Variants in TXK observed in about 807,000 individuals in gnomAD.
TXK encodes the protein TXK tyrosine kinase.
A neutral mutation model predicts 81.0 loss-of-function variants in TXK; 60 were observed. The observed-to-expected ratio is 0.74, with a 90% CI of 0.60 to 0.92. The LOEUF is 0.92. Among genes scored for constraint, TXK ranks in the 40% least tolerant of loss-of-function variants. The probability of loss-of-function intolerance (pLI) is 0.00; values close to 1 mark genes in which losing one functional copy is unlikely to be tolerated. For synonymous variants in TXK, 203 were observed against 210.7 expected, an observed-to-expected ratio of 0.96 and a Z score of 0.32; for missense variants, 581 against 638.3, an observed-to-expected ratio of 0.91 and a Z score of 0.97.
chr4:48,119,300 T>C (rs75558272), intron 1 of TXK, among the ~76,000 whole-genome samples: 1,756 of 152,316 alleles, frequency 0.012, 31 homozygotes, highest in African/African-American at 0.04. Flanking sequence ...CAATACATAT[T>C]AGTTCCTTTC....
intron 13 of TXK, among the ~76,000 whole-genome samples, chr4:48,073,092 T>TA (rs2109397538): frequency 6.4e-4 from 1 of 1,566 alleles, no homozygotes; most frequent in African/African-American, 6.8e-4. Context: ...ACCTGGCTAA[T>TA]TTTTTTTTTT....
chr4:48,129,544 TG>T (rs1225799662), intron 1 of TXK, among the ~76,000 whole-genome samples: 2 of 152,076 alleles, frequency 1.3e-5, no homozygotes, highest in Admixed American at 1.3e-4. Context: ...CCTGGCAAGC[TG>T]GATGGAGTCC....
chr4:48,086,742 A>C (rs1717547452), intron 9 of TXK, 105 bp from the exon 10 acceptor site: 2 of 1,067,058 alleles, frequency 1.9e-6, no homozygotes, highest in Admixed American at 2.4e-5. Flanking sequence ...AGAGGTTAAA[A>C]AATGTATAAA....
chr4:48,120,253 A>G (rs1175150275), intron 1 of TXK, among the ~76,000 whole-genome samples: 10 of 148,640 alleles, frequency 6.7e-5, no homozygotes, highest in Admixed American at 4.1e-4. Flanking sequence ...GTATATGTGT[A>G]TATATACATA....
intron 14 of TXK, among the ~76,000 whole-genome samples, chr4:48,070,018 G>A (rs1344821454): frequency 6.6e-6 from 1 of 152,080 alleles, no homozygotes; most frequent in Non-Finnish European, 1.5e-5. Flanking sequence ...TTCATACATT[G>A]GGGCTCTCTA....
chr4:48,112,356 T>C lies in TXK; in HGVS notation c.331A>G (p.Ile111Val), dbSNP rs766339873. 2 of 1,614,200 alleles carry C rather than the reference T, an allele frequency of 1.2e-6. No homozygotes were observed. Among genetic ancestry groups the C allele is most frequent in the Admixed American group, 1.7e-5 (1 of 60,026 alleles). Residue 111 changes from isoleucine (I) to valine (V), a missense_variant, in exon 4 of 15, where the codon ATA becomes GTA. Ile to Val is a conservative substitution (Grantham distance 29). Transcript: ENST00000264316. ...LALRRAEEYL[I>V]LEKYNPHWWK... ...CAGTGAGGATTGTATTTCTCCAGTA[T>C]CAGGTATTCTTCTGCTCTCCTTAAG...
At chr4:48,123,129 A>T (rs1435188166) in intron 1 of TXK, among the ~76,000 whole-genome samples, 2 of 152,232 alleles carry the variant, frequency 1.3e-5, no homozygotes, top group Non-Finnish European at 2.9e-5. Flanking sequence ...TTGAGTAATC[A>T]CTAGCCTGTT....
chr4:48,077,273 G>GTAAAC (rs113570772), intron 11 of TXK, among the ~76,000 whole-genome samples: 145,292 of 151,988 alleles, frequency 0.96, 69,789 homozygotes, highest in East Asian at 1. Context: ...CCTCATGTAG[G>GTAAAC]TAGATAAACT....
At chr4:48,119,438 T>A (rs758141152) in intron 1 of TXK, among the ~76,000 whole-genome samples, 14 of 152,186 alleles carry the variant, frequency 9.2e-5, no homozygotes, top group Non-Finnish European at 4.4e-5. Context: ...GAAACCTCTC[T>A]TCTCTACCAT....
chr4:48,071,197 G>A (rs146439524), intron 14 of TXK, among the ~76,000 whole-genome samples: 210 of 152,242 alleles, frequency 1.4e-3, no homozygotes, highest in African/African-American at 4.8e-3. Context: ...ACTGCGCCCG[G>A]CCCATTAATT....
At position 48,080,018 on chromosome 4, in the gene TXK, C is replaced by G. The variant is rs774996649; in HGVS notation, c.1067G>C (p.Arg356Thr). The G allele has an allele frequency of 1.1e-5, 18 of 1,614,008 alleles. No individual in the cohort carries two copies. In the Admixed American group the frequency reaches 2.3e-4, roughly 21 times the overall value. Reference sequence around the variant, plus strand: ...CTTCCTAAGCTTTCCTTTATTCTCCCTGAGATAGTTAAGCAGGCAGCCATT... The same window carrying G: ...CTTCCTAAGCTTTCCTTTATTCTCCGTGAGATAGTTAAGCAGGCAGCCATT... ...MENGCLLNYLRENKGKLRKEM... is the reference protein window; with the variant it reads ...MENGCLLNYLTENKGKLRKEM... Residue 356 changes from arginine to threonine, a missense_variant, in exon 11 of 15, where the codon AGG becomes ACG. Coordinates refer to ENST00000264316, the MANE Select transcript of TXK (RefSeq NM_003328.3).
At chr4:48,124,022 TGC>T (rs1719023010) in intron 1 of TXK, among the ~76,000 whole-genome samples, 1 of 152,218 alleles carries the variant, frequency 6.6e-6, no homozygotes, top group African/African-American at 2.4e-5. Flanking sequence ...AAAGCACCTA[TGC>T]CCTGTCCCAA....
intron 1 of TXK, among the ~76,000 whole-genome samples, chr4:48,130,616 A>T (rs1719226772): frequency 6.6e-6 from 1 of 152,198 alleles, no homozygotes; most frequent in Non-Finnish European, 1.5e-5. Flanking sequence ...ACTAGGTCCA[A>T]TTCATACTCA....
intron 9 of TXK, 71 bp from the exon 10 acceptor site, chr4:48,086,708 T>C: frequency 7.0e-7 from 1 of 1,424,170 alleles, no homozygotes; most frequent in Non-Finnish European, 9.8e-7. Context: ...GGAAAATGTT[T>C]AGGAAGTATC....
chr4:48,118,091 A>G (rs1010190350), intron 1 of TXK, among the ~76,000 whole-genome samples: 8 of 152,318 alleles, frequency 5.3e-5, no homozygotes, highest in African/African-American at 1.9e-4. Flanking sequence ...AAATTGGCAG[A>G]CCAATTTGTT....
chr4:48,128,070 G>C (rs2109487608), intron 1 of TXK, among the ~76,000 whole-genome samples: 1 of 152,342 alleles, frequency 6.6e-6, no homozygotes, highest in Non-Finnish European at 1.5e-5. Context: ...GGCTGCGCGG[G>C]AAGCAAAGCC....
In TXK at chr4:48,078,884, C is replaced by T. The variant is rs145472605; in HGVS notation, c.1173+1028G>A. Among the ~76,000 whole-genome samples, 374 of 152,040 alleles carry T rather than the reference C, an allele frequency of 2.5e-3. 6 individuals are homozygous for T. The highest frequency in any genetic ancestry group is 0.022 in the Admixed American group (333 of 15,286). On this transcript the variant is annotated intron_variant, in intron 11 of 14. Transcript: ENST00000264316. The stretch of plus-strand genomic sequence containing the variant: ...AGCAGAATGCTTGGCATATACTAGG[C>T]ACTTGATACATGTTTGATTATGGGT...
intron 10 of TXK, among the ~76,000 whole-genome samples, chr4:48,085,278 T>A (rs1004595114): frequency 6.6e-6 from 1 of 152,124 alleles, no homozygotes; most frequent in Admixed American, 6.5e-5. Context: ...CCTTATGTCC[T>A]CTGAAAGCAA....
chr4:48,086,724 T>A (rs1439416100), intron 9 of TXK, 87 bp from the exon 10 acceptor site: 46 of 1,267,166 alleles, frequency 3.6e-5, no homozygotes, highest in Non-Finnish European at 5.0e-5. Flanking sequence ...GTATCTATTA[T>A]TTGACAGAGA....
Sources: gnomAD v4.1 joint callset for allele counts (sites outside exome capture counted in the v4.1 genomes callset) on GRCh38, gnomAD v4.1.1 for gene constraint, MANE v1.5 for transcripts, NCBI Gene and HGNC (gene_info 2026-07-23, HGNC 2026-07-21) for gene names.